SNX8: variants seen among roughly 807,000 people sequenced by gnomAD.
SNX8 encodes the protein sorting nexin-8.
SNX8 carries 25 observed loss-of-function variants against 51.6 expected under a neutral mutation model. The observed-to-expected ratio is 0.48, with a 90% confidence interval of 0.35 to 0.68. The LOEUF is 0.68. Ranked by LOEUF, SNX8 falls within the 30% of genes least tolerant of loss-of-function variation. The pLI, the probability that SNX8 is intolerant of heterozygous loss-of-function variation, is 0.00. For missense variants in SNX8, 695 were observed against 624.0 expected (o/e 1.11, Z -1.21); for synonymous variants, 324 against 277.0 (o/e 1.17, Z -1.68).
chr7:2,264,069 C>T (rs1478123682), intron 6 of SNX8, among the ~76,000 whole-genome samples: 2 of 152,060 alleles, frequency 1.3e-5, no homozygotes, highest in Non-Finnish European at 2.9e-5. Context: ...AGACTAGAAA[C>T]TGGTGAGCAT....
intron 5 of SNX8, among the ~76,000 whole-genome samples, chr7:2,269,150 T>A (rs912992467): frequency 6.7e-6 from 1 of 148,462 alleles, no homozygotes; most frequent in Non-Finnish European, 1.5e-5. Flanking sequence ...TAGAAAGAAG[T>A]AGACATGGGA....
chr7:2,346,201 G>C (rs539578071), intron 1 of SNX8, among the ~76,000 whole-genome samples: 9 of 152,084 alleles, frequency 5.9e-5, no homozygotes, highest in Admixed American at 2.6e-4. Context: ...TTCCTCTGAG[G>C]AACAGAGGAG....
intron 1 of SNX8, among the ~76,000 whole-genome samples, chr7:2,331,928 G>A (rs1778744490): frequency 1.3e-5 from 2 of 151,322 alleles, no homozygotes; most frequent in African/African-American, 2.4e-5. Flanking sequence ...TTACAAGGCC[G>A]GGCGTGGTGG....
At chr7:2,351,788 A>C (rs1018204365) in intron 1 of SNX8, among the ~76,000 whole-genome samples, 1 of 151,720 alleles carries the variant, frequency 6.6e-6, no homozygotes, top group Non-Finnish European at 1.5e-5. Flanking sequence ...CCGAGATAGC[A>C]CCACTGCACT....
At chr7:2,285,962 C>T (rs1004827119) in intron 1 of SNX8, among the ~76,000 whole-genome samples, 1 of 151,968 alleles carries the variant, frequency 6.6e-6, no homozygotes, top group Non-Finnish European at 1.5e-5. Flanking sequence ...GGATTACAGG[C>T]GTGAGCCATA....
chr7:2,323,352 A>G (rs1256537752), intron 1 of SNX8, among the ~76,000 whole-genome samples: 1 of 146,678 alleles, frequency 6.8e-6, no homozygotes, highest in Non-Finnish European at 1.5e-5. Context: ...AAAAAAAACA[A>G]CCAAACAAAC....
chr7:2,334,492 G>A (rs932252580), intron 1 of SNX8, among the ~76,000 whole-genome samples: 5 of 151,966 alleles, frequency 3.3e-5, no homozygotes, highest in Non-Finnish European at 7.4e-5. Flanking sequence ...GAGGTCAGGA[G>A]TTGGAGACCA....
At chr7:2,287,189 C>T (rs573402080) in intron 1 of SNX8, among the ~76,000 whole-genome samples, 43 of 151,396 alleles carry the variant, frequency 2.8e-4, no homozygotes, top group African/African-American at 1.0e-3. Flanking sequence ...CGCCATGTTG[C>T]TCAGGCTAGT....
At chr7:2,338,580 C>A (rs1322691991) in intron 1 of SNX8, among the ~76,000 whole-genome samples, 1 of 151,756 alleles carries the variant, frequency 6.6e-6, no homozygotes, top group Non-Finnish European at 1.5e-5. Flanking sequence ...GTCGCAGTGA[C>A]CCGAGATTGC....
intron 1 of SNX8, among the ~76,000 whole-genome samples, chr7:2,306,089 G>A (rs1562450168): frequency 6.6e-6 from 1 of 152,108 alleles, no homozygotes; most frequent in African/African-American, 2.4e-5. Context: ...GTCTCCCAAA[G>A]CATTGGGATT....
At chr7:2,304,621 G>C (rs529226408) in intron 1 of SNX8, among the ~76,000 whole-genome samples, 1 of 152,236 alleles carries the variant, frequency 6.6e-6, no homozygotes, top group East Asian at 1.9e-4. Context: ...GCCCACCTTG[G>C]AGGGAAGCAC....
intron 1 of SNX8, among the ~76,000 whole-genome samples, chr7:2,341,575 G>A (rs1222129760): frequency 6.6e-6 from 1 of 152,222 alleles, no homozygotes; most frequent in African/African-American, 2.4e-5. Context: ...GGGAGGCCGA[G>A]ATGGGAGGAT....
At chr7:2,347,613 CT>C (rs779721737) in intron 1 of SNX8, among the ~76,000 whole-genome samples, 39,540 of 121,294 alleles carry the variant, frequency 0.33, 6,924 homozygotes, top group East Asian at 0.63. Flanking sequence ...ACACTGGATT[CT>C]TTTTTTTTTT....
chr7:2,308,714 CAGA>C (rs914734633), intron 1 of SNX8, among the ~76,000 whole-genome samples: 1 of 145,874 alleles, frequency 6.9e-6, no homozygotes, highest in African/African-American at 2.5e-5. Flanking sequence ...CGAAATGGGG[CAGA>C]AGGTTTTGTC....
At chr7:2,270,363 C>A (rs960201403) in intron 4 of SNX8, among the ~76,000 whole-genome samples, 5 of 130,030 alleles carry the variant, frequency 3.8e-5, no homozygotes, top group African/African-American at 1.4e-4. Flanking sequence ...CAGCATGGTG[C>A]GTGCCTGTAG....
At chr7:2,281,284 T>C (rs1418847446) in intron 1 of SNX8, among the ~76,000 whole-genome samples, 5 of 151,970 alleles carry the variant, frequency 3.3e-5, no homozygotes, top group Non-Finnish European at 7.4e-5. Context: ...TACGGGCATG[T>C]TGGCGCAACC....
intron 3 of SNX8, among the ~76,000 whole-genome samples, chr7:2,273,409 T>A (rs1447336607): frequency 6.8e-6 from 1 of 146,660 alleles, no homozygotes; most frequent in Non-Finnish European, 1.5e-5. Context: ...TGAAACCCCA[T>A]CTCCACTAAA....
Position 2,314,235 on chromosome 7 carries a change from G to T in SNX8, c.94+93C>A, listed in dbSNP as rs193171411. On this transcript the variant is annotated intron_variant, in intron 1 of 10. Coordinates refer to ENST00000222990, the MANE Select transcript of SNX8 (RefSeq NM_013321.4). ...GGGGCGCGGGGGCAGGAAACGAGTC[G>T]GGGACCAAGCGCGGCGGCTGAGCCC... 2.4e-4 allele frequency: 283 copies of T among 1,191,844 alleles called. 1 individual carries two copies. The Admixed American group carries it at 5.4e-3, about 23-fold the overall frequency. The allele number at this position is 1,191,844 out of a possible 1,614,324, so 73.8% of individuals were successfully genotyped here. A position where few individuals can be genotyped will look rare whatever the true frequency, so the allele number is the denominator to read the frequency against.
At chr7:2,267,570 T>A (rs548165350) in intron 5 of SNX8, among the ~76,000 whole-genome samples, 89 of 136,750 alleles carry the variant, frequency 6.5e-4, no homozygotes, top group African/African-American at 2.2e-3. Flanking sequence ...AACCTCGGCC[T>A]CCCGAGGTGC....
Sources: gnomAD v4.1 joint callset for allele counts (sites outside exome capture counted in the v4.1 genomes callset) on GRCh38, gnomAD v4.1.1 for gene constraint, MANE v1.5 for transcripts, NCBI Gene and HGNC (gene_info 2026-07-23, HGNC 2026-07-21) for gene names.